The following ATP10A variants were observed in gnomAD, a reference collection of about 807,000 sequenced individuals.
ATP10A encodes ATPase phospholipid transporting 10A (putative), also known as phospholipid-transporting ATPase VA.
A neutral mutation model predicts 147.8 loss-of-function variants in ATP10A; 111 were observed. That is an observed-to-expected ratio of 0.75 (90% CI 0.64 to 0.88). ATP10A has a LOEUF of 0.88. ATP10A is among the 40% of genes least tolerant of loss of function. The pLI is 0.00. For synonymous variants in ATP10A, 875 were observed against 841.6 expected (o/e 1.04, Z -0.69); for missense variants, 1,927 against 1,959.0 (o/e 0.98, Z 0.31).
At chr15:25,802,788 C>G (rs1890999001) in intron 1 of ATP10A, among the ~76,000 whole-genome samples, 1 of 152,116 alleles carries the variant, frequency 6.6e-6, no homozygotes, top group Non-Finnish European at 1.5e-5. Flanking sequence ...TACACTGGGC[C>G]CACCCAGATG....
At chr15:25,819,740 A>G (rs1891803227) in intron 1 of ATP10A, among the ~76,000 whole-genome samples, 1 of 152,218 alleles carries the variant, frequency 6.6e-6, no homozygotes, top group African/African-American at 2.4e-5. Flanking sequence ...AATACTATTC[A>G]GCCATAAAAA....
chr15:25,770,861 T>C (rs1889295924), intron 2 of ATP10A, among the ~76,000 whole-genome samples: 1 of 152,170 alleles, frequency 6.6e-6, no homozygotes, highest in Admixed American at 6.5e-5. Context: ...CTAGGACATC[T>C]GGGCGTGGCC....
intron 1 of ATP10A, among the ~76,000 whole-genome samples, chr15:25,798,772 G>A (rs959144679): frequency 6.6e-6 from 1 of 152,178 alleles, no homozygotes; most frequent in African/African-American, 2.4e-5. Flanking sequence ...AGACCGTGGG[G>A]CAAAACCGAT....
rs372710264 is a variant in ATP10A at position 25,726,055 on chromosome 15, T to C, written c.875A>G (p.Asn292Ser). 8 of 1,613,942 alleles carry C rather than the reference T, an allele frequency of 5.0e-6. No individual in the cohort carries two copies. The African/African-American group carries it at 5.3e-5, about 11-fold the overall frequency. Residue 292 changes from asparagine to serine, a missense_variant, in exon 5 of 21, where the codon AAC becomes AGC. Coordinates refer to ENST00000555815, the MANE Select transcript of ATP10A (RefSeq NM_024490.4). Reference protein sequence around the residue: ...AGHETKALLNNSGPRYKRSKL... With the variant: ...AGHETKALLNSSGPRYKRSKL... ...GCTGCGCTTGTAGCGGGGCCCACTG[T>C]TGTTCAGCAGAGCCTTGGTTTCATG...
At chr15:25,831,413 T>C (rs984616464) in intron 1 of ATP10A, among the ~76,000 whole-genome samples, 2 of 152,200 alleles carry the variant, frequency 1.3e-5, no homozygotes, top group African/African-American at 2.4e-5. Context: ...GAATTCCTAA[T>C]AGGGGATGGA....
rs533373387 is a variant in ATP10A, at chr15:25,713,605, A to G, written c.2344+69T>C. 13 of 1,416,150 alleles carry G rather than the reference A, an allele frequency of 9.2e-6. No homozygotes were observed. The East Asian group carries it at 2.2e-4, about 24-fold the overall frequency. 87.7% of individuals were successfully genotyped at this position (1,416,150 alleles called of 1,614,324 possible). ...AAAATCACTTTACTCAAGAGAAGGA[A>G]TTGGGTGGGGATATTTCTCAGGACC... On this transcript the variant is annotated intron_variant, in intron 10 of 20. Coordinates refer to ENST00000555815, the MANE Select transcript of ATP10A (RefSeq NM_024490.4).
chr15:25,837,622 G>A (rs1018107315), intron 1 of ATP10A, among the ~76,000 whole-genome samples: 8 of 152,216 alleles, frequency 5.3e-5, no homozygotes, highest in East Asian at 3.8e-4. Context: ...GATCAAAGCC[G>A]AAAGTGTCTT....
At chr15:25,708,398 C>T (rs544235339) in intron 10 of ATP10A, 98 bp from the exon 11 acceptor site, 26 of 998,704 alleles carry the variant, frequency 2.6e-5, no homozygotes, top group Non-Finnish European at 3.7e-5. Flanking sequence ...TCGTTACTTG[C>T]GAATAGAGCA....
intron 2 of ATP10A, among the ~76,000 whole-genome samples, chr15:25,751,353 G>GA (rs1281827241): frequency 6.6e-5 from 10 of 152,030 alleles, no homozygotes; most frequent in African/African-American, 1.2e-4. Context: ...ATAATTCCTA[G>GA]AAAAAATGGC....
At chr15:25,778,590 T>A (rs935460898) in intron 2 of ATP10A, among the ~76,000 whole-genome samples, 1 of 152,078 alleles carries the variant, frequency 6.6e-6, no homozygotes, top group Non-Finnish European at 1.5e-5. Context: ...AACAATTTTT[T>A]AAAAACCCTC....
intron 1 of ATP10A, among the ~76,000 whole-genome samples, chr15:25,837,724 G>A (rs545801877): frequency 1.6e-4 from 25 of 152,330 alleles, no homozygotes; most frequent in African/African-American, 5.3e-4. Flanking sequence ...CAAACTGCCC[G>A]AAAGGCACCT....
chr15:25,707,056 G>A (rs893665419), intron 12 of ATP10A, among the ~76,000 whole-genome samples: 1 of 152,170 alleles, frequency 6.6e-6, no homozygotes, highest in Admixed American at 6.5e-5. Flanking sequence ...CTGGATCCCG[G>A]GGCTTTCCAA....
chr15:25,694,049 C>G (rs1289773111), intron 14 of ATP10A, among the ~76,000 whole-genome samples: 1 of 151,946 alleles, frequency 6.6e-6, no homozygotes, highest in Non-Finnish European at 1.5e-5. Flanking sequence ...GGGGTCACGG[C>G]CACTGCTTCC....
At chr15:25,672,671 T>C (rs972119920), downstream of ATP10A, among the ~76,000 whole-genome samples, 2 of 152,192 alleles carry the variant, frequency 1.3e-5, no homozygotes, top group African/African-American at 4.8e-5. Flanking sequence ...GTTTAAATGA[T>C]CCAGAAAGCC....
chr15:25,675,687 T>A (rs1328296763), downstream of ATP10A, among the ~76,000 whole-genome samples: 1 of 152,202 alleles, frequency 6.6e-6, no homozygotes, highest in East Asian at 1.9e-4. Flanking sequence ...GGCTTACACC[T>A]GTAACCCCAG....
At chr15:25,727,055 C>CAAA (rs33946132) in intron 4 of ATP10A, 105 bp downstream of exon 4, 107,213 of 698,962 alleles carry the variant, frequency 0.15, 872 homozygotes, top group Middle Eastern at 0.19. Context: ...AGACTCGTCT[C>CAAA]AAAAAAAAAA....
chr15:25,834,822 T>C (rs1892520765), intron 1 of ATP10A, among the ~76,000 whole-genome samples: 1 of 152,234 alleles, frequency 6.6e-6, no homozygotes. Flanking sequence ...ACAATATGAA[T>C]GAGCCTGCAA....
chr15:25,732,734 T>G (rs947725222), intron 3 of ATP10A, among the ~76,000 whole-genome samples: 2 of 151,754 alleles, frequency 1.3e-5, no homozygotes, highest in Non-Finnish European at 2.9e-5. Flanking sequence ...TTTTTGTATG[T>G]TTAGTAGAGA....
intron 1 of ATP10A, among the ~76,000 whole-genome samples, chr15:25,789,998 T>C (rs1335495394): frequency 6.6e-6 from 1 of 152,180 alleles, no homozygotes; most frequent in Non-Finnish European, 1.5e-5. Flanking sequence ...ATTAAGTAAA[T>C]GTTTACAGAA....
Sources: gnomAD v4.1 joint callset for allele counts (sites outside exome capture counted in the v4.1 genomes callset) on GRCh38, gnomAD v4.1.1 for gene constraint, MANE v1.5 for transcripts, NCBI Gene and HGNC (gene_info 2026-07-23, HGNC 2026-07-21) for gene names.